Variants in BLZF1 observed in about 807,000 individuals in gnomAD.
BLZF1 encodes the protein basic leucine zipper nuclear factor 1, also known as golgin-45.
In BLZF1, 39 loss-of-function variants were observed where a neutral mutation model predicts 43.8. The observed-to-expected ratio is 0.89, with a 90% CI of 0.69 to 1.16. The LOEUF is 1.16. BLZF1 is among the 50% of genes most tolerant of loss of function. The pLI is 0.00. For synonymous variants in BLZF1, 136 were observed against 159.4 expected (o/e 0.85, Z 1.11); for missense variants, 449 against 469.8 (o/e 0.96, Z 0.41).
intron 2 of BLZF1, among the ~76,000 whole-genome samples, chr1:169,373,134 C>T (rs1466625111): frequency 6.6e-6 from 1 of 152,106 alleles, no homozygotes. Flanking sequence ...TGCCAGCTCC[C>T]ATCCTAGAAT....
In BLZF1 at chr1:169,387,595, G is replaced by T. The variant is rs6427185; in HGVS notation, c.*413G>T. 0.67 allele frequency: 103,086 copies of T among 154,476 alleles called. 34,666 individuals carry two copies. The highest frequency in any genetic ancestry group is 0.93 in the East Asian group (4,820 of 5,204). The allele number at this position is 154,476 out of a possible 1,614,324, so 9.6% of individuals were successfully genotyped here. A position where few individuals can be genotyped will look rare whatever the true frequency, so the allele number is the denominator to read the frequency against. On this transcript the variant is annotated 3_prime_UTR_variant, in exon 7 of 7. Transcript: ENST00000367808. ...GTCAAACATGGCCACACCCATTCATGTGCTATTGTCTAAGCTGGTTTTGCA... is the reference window on the plus strand; with the variant it reads ...GTCAAACATGGCCACACCCATTCATTTGCTATTGTCTAAGCTGGTTTTGCA...
In BLZF1 at chr1:169,376,746, G is replaced by T; in HGVS notation, c.235G>T (p.Val79Leu). 2.5e-6 allele frequency: 4 copies of T among 1,613,300 alleles called. No homozygotes were observed. Among genetic ancestry groups the T allele is most frequent in the South Asian group, 1.1e-5 (1 of 91,044 alleles). ...LTEKAMEVKA[V>L]RILVPKAAIT... ...TGAAAAAGCAATGGAAGTTAAAGCT[G>T]TAAGAATATTAGTTCCCAAAGCTGC... is the stretch of plus-strand genomic sequence containing the variant. Residue 79 changes from valine to leucine, a missense_variant, in exon 3 of 7, where the codon GTA becomes TTA. Val to Leu is a conservative substitution (Grantham distance 32). Transcript: ENST00000367808.
intron 7 of BLZF1, among the ~76,000 whole-genome samples, chr1:169,393,702 A>G (rs1654877259): frequency 2.0e-5 from 3 of 151,878 alleles, no homozygotes; most frequent in African/African-American, 7.2e-5. Context: ...CTGGGGTTCA[A>G]GCGATTCTCA....
At chr1:169,394,270 G>A (rs1462850789) in intron 7 of BLZF1, among the ~76,000 whole-genome samples, 1 of 151,990 alleles carries the variant, frequency 6.6e-6, no homozygotes, top group Non-Finnish European at 1.5e-5. Flanking sequence ...AATAAAAGTT[G>A]GCTAATTTTG....
chr1:169,386,929 A>G (rs1379685878), intron 6 of BLZF1, 68 bp from the exon 7 acceptor site: 2 of 1,141,322 alleles, frequency 1.8e-6, no homozygotes, highest in Non-Finnish European at 1.3e-6. Context: ...GTAGGTATAC[A>G]TCAATGAAAT....
chr1:169,378,317 C>T lies in BLZF1; in HGVS notation c.469-13C>T, dbSNP rs373533458. 2.2e-5 allele frequency: 36 copies of T among 1,608,524 alleles called. No individual in the cohort carries two copies. The highest frequency in any genetic ancestry group is 4.0e-5 in the African/African-American group (3 of 74,650). On this transcript the variant is annotated splice_polypyrimidine_tract_variant and intron_variant, in intron 3 of 6. Transcript: ENST00000367808. ...TACTTTGAGCTTGTTGTATTGATTA[C>T]GTTCTCTTCTAGGTAAATCGTGAGT...
chr1:169,381,932 C>T (rs1437552120), intron 5 of BLZF1, 130 bp from the exon 6 acceptor site: 2 of 722,436 alleles, frequency 2.8e-6, no homozygotes, highest in Non-Finnish European at 4.4e-6. Context: ...ATTTATGGAA[C>T]TCTGAGAGAG....
chr1:169,380,196 A>G (rs1654481296), intron 4 of BLZF1, among the ~76,000 whole-genome samples: 1 of 151,974 alleles, frequency 6.6e-6, no homozygotes, highest in African/African-American at 2.4e-5. Flanking sequence ...ATTTTGGTCA[A>G]TCTAGAGTAA....
intron 2 of BLZF1, among the ~76,000 whole-genome samples, chr1:169,374,209 AAAAAAAAATAC>A (rs1023509603): frequency 4.6e-5 from 7 of 151,716 alleles, no homozygotes; most frequent in East Asian, 1.9e-4. Flanking sequence ...CTACAAAAAA[AAAAAAAAATAC>A]AAAAAAAATA....
chr1:169,392,126 T>C (rs1654828011), downstream of BLZF1, among the ~76,000 whole-genome samples: 1 of 152,178 alleles, frequency 6.6e-6, no homozygotes, highest in South Asian at 2.1e-4. Context: ...CACAATCCTG[T>C]GTTCATGTAT....
At chr1:169,368,910 A>G (rs1654001302) in intron 1 of BLZF1, among the ~76,000 whole-genome samples, 1 of 152,214 alleles carries the variant, frequency 6.6e-6, no homozygotes, top group African/African-American at 2.4e-5. Flanking sequence ...CTGTACTGTA[A>G]GACAATGTAT....
At chr1:169,393,131 A>G (rs570099037), downstream of BLZF1, among the ~76,000 whole-genome samples, 1 of 152,274 alleles carries the variant, frequency 6.6e-6, no homozygotes, top group South Asian at 2.1e-4. Context: ...GAATTGTAGA[A>G]TACCTACTTG....
At chr1:169,374,947 CAAAT>C in intron 2 of BLZF1, among the ~76,000 whole-genome samples, 1 of 151,894 alleles carries the variant, frequency 6.6e-6, no homozygotes, top group African/African-American at 2.4e-5. Context: ...ATTGAGCATG[CAAAT>C]AAATAAATAG....
chr1:169,378,428 A>G lies in BLZF1; in HGVS notation c.567A>G (p.Leu189=). ...RLAREKNQLI[L]ENEALGRNTA... ...CCCGTGAGAAAAATCAGCTTATTTTAGAAAATGAAGCCCTAGGTCGAAACA... is the reference window on the plus strand; with the variant it reads ...CCCGTGAGAAAAATCAGCTTATTTTGGAAAATGAAGCCCTAGGTCGAAACA... The change falls in exon 4 of 7, where the codon TTA becomes TTG. Residue 189 remains leucine (L), a synonymous_variant. Transcript: ENST00000367808. The G allele has an allele frequency of 1.9e-6, 3 of 1,613,036 alleles. No individual in the cohort carries two copies. The highest frequency in any genetic ancestry group is 2.5e-6 in the Non-Finnish European group (3 of 1,179,180).
At chr1:169,377,983 C>T (rs938230789) in intron 3 of BLZF1, among the ~76,000 whole-genome samples, 1 of 151,960 alleles carries the variant, frequency 6.6e-6, no homozygotes. Flanking sequence ...AAACATAAAA[C>T]ATTCTCTGTC....
At chr1:169,370,757 ACT>A (rs1399950064) in intron 2 of BLZF1, among the ~76,000 whole-genome samples, 1 of 151,812 alleles carries the variant, frequency 6.6e-6, no homozygotes, top group Non-Finnish European at 1.5e-5. Flanking sequence ...ACTTTCCACC[ACT>A]GTTTCTTTTC....
chr1:169,389,573 G>C (rs2138898), downstream of BLZF1, among the ~76,000 whole-genome samples: 99,457 of 152,062 alleles, frequency 0.65, 32,859 homozygotes, highest in East Asian at 0.93. Flanking sequence ...ATTAAACATA[G>C]AGTTACCATA....
intron 2 of BLZF1, among the ~76,000 whole-genome samples, chr1:169,375,989 A>G (rs907508700): frequency 1.4e-4 from 21 of 152,056 alleles, no homozygotes; most frequent in Admixed American, 5.9e-4. Flanking sequence ...TAAGCAGGAC[A>G]TAAACTGTTA....
chr1:169,394,676 T>G (rs1654914395), intron 7 of BLZF1, among the ~76,000 whole-genome samples: 1 of 152,210 alleles, frequency 6.6e-6, no homozygotes, highest in Non-Finnish European at 1.5e-5. Flanking sequence ...ACCAGGCTTG[T>G]TTAAGGAGTC....
Sources: gnomAD v4.1 joint callset for allele counts (sites outside exome capture counted in the v4.1 genomes callset) on GRCh38, gnomAD v4.1.1 for gene constraint, MANE v1.5 for transcripts, NCBI Gene and HGNC (gene_info 2026-07-23, HGNC 2026-07-21) for gene names.